LRP1B: variants seen among roughly 807,000 people sequenced by gnomAD.
LRP1B encodes the protein LDL receptor related protein 1B, also known as low-density lipoprotein receptor-related protein 1B.
Under a neutral mutation model 556.6 loss-of-function variants are expected in LRP1B, and 217 were observed. The observed-to-expected ratio is 0.39, with a 90% CI of 0.35 to 0.44. The LOEUF is 0.44. Ranked by LOEUF, LRP1B falls within the 20% of genes least tolerant of loss-of-function variation. The probability of loss-of-function intolerance (pLI) is 1.00; values close to 1 mark genes in which losing one functional copy is unlikely to be tolerated. For synonymous variants in LRP1B, 2,047 were observed against 1,865.8 expected (o/e 1.10, Z -2.50); for missense variants, 5,053 against 5,620.8 (o/e 0.90, Z 3.23).
intron 15 of LRP1B, among the ~76,000 whole-genome samples, chr2:140,998,126 AAT>A (rs1010329753): frequency 3.3e-4 from 50 of 152,120 alleles, no homozygotes; most frequent in African/African-American, 1.2e-3. Context: ...TTGACAGAGG[AAT>A]ATATCTGGGG....
intron 1 of LRP1B, among the ~76,000 whole-genome samples, chr2:142,079,430 T>C (rs193233966): frequency 4.5e-4 from 68 of 152,300 alleles, no homozygotes; most frequent in Middle Eastern, 3.4e-3. Flanking sequence ...AGTGCTCAGG[T>C]TTGGAAATCT....
At chr2:141,709,169 T>G (rs1236739757) in intron 2 of LRP1B, among the ~76,000 whole-genome samples, 1 of 151,786 alleles carries the variant, frequency 6.6e-6, no homozygotes, top group Non-Finnish European at 1.5e-5. Context: ...AGCAATATGG[T>G]GAAACCCCGT....
intron 11 of LRP1B, among the ~76,000 whole-genome samples, chr2:141,023,801 C>T (rs922045585): frequency 3.3e-5 from 5 of 151,954 alleles, no homozygotes; most frequent in African/African-American, 9.7e-5. Context: ...AAAAATTATA[C>T]CCAAAAATGG....
At chr2:141,008,244 CTAGT>C in intron 14 of LRP1B, among the ~76,000 whole-genome samples, 1 of 151,212 alleles carries the variant, frequency 6.6e-6, no homozygotes, top group Non-Finnish European at 1.5e-5. Context: ...AATCCCACAG[CTAGT>C]TACTTTACAT....
At chr2:140,285,985 T>C (rs1683133105) in intron 84 of LRP1B, among the ~76,000 whole-genome samples, 1 of 151,838 alleles carries the variant, frequency 6.6e-6, no homozygotes, top group African/African-American at 2.4e-5. Context: ...TTATACTTCT[T>C]TACTTTTCAT....
intron 84 of LRP1B, among the ~76,000 whole-genome samples, chr2:140,285,962 G>T (rs1232248400): frequency 2.0e-5 from 3 of 151,776 alleles, no homozygotes; most frequent in Non-Finnish European, 4.4e-5. Context: ...TCAGGAAGTG[G>T]TTAGATTCTT....
At chr2:141,797,217 C>T (rs534431204) in intron 2 of LRP1B, among the ~76,000 whole-genome samples, 10 of 137,216 alleles carry the variant, frequency 7.3e-5, no homozygotes, top group African/African-American at 2.2e-4. Context: ...AATTCAAGTG[C>T]TCTGCATCAT....
intron 1 of LRP1B, among the ~76,000 whole-genome samples, chr2:142,094,786 CAAATATTTAGTAAT>C (rs574805165): frequency 2.4e-3 from 360 of 151,518 alleles, no homozygotes; most frequent in African/African-American, 8.0e-3. Context: ...CAAATATATT[CAAATATTTAGTAAT>C]AAATATTTAG....
At chr2:141,992,200 C>T (rs1702365606) in intron 1 of LRP1B, among the ~76,000 whole-genome samples, 1 of 152,210 alleles carries the variant, frequency 6.6e-6, no homozygotes, top group Admixed American at 6.6e-5. Context: ...GTTGATTCCA[C>T]AGGTGTGGAG....
At chr2:142,105,828 CT>C (rs2104978029) in intron 1 of LRP1B, among the ~76,000 whole-genome samples, 1 of 152,064 alleles carries the variant, frequency 6.6e-6, no homozygotes, top group East Asian at 1.9e-4. Context: ...ATAATAATGT[CT>C]AAATTTACAT....
chr2:140,270,206 T>C (rs778369368), intron 86 of LRP1B, 36 bp downstream of exon 86: 73 of 1,439,984 alleles, frequency 5.1e-5, no homozygotes, highest in Non-Finnish European at 7.0e-5. Context: ...TACAAAGGCT[T>C]ATTATAAGAT....
At chr2:140,847,239 C>T (rs1164904478) in intron 29 of LRP1B, among the ~76,000 whole-genome samples, 1 of 152,190 alleles carries the variant, frequency 6.6e-6, no homozygotes, top group African/African-American at 2.4e-5. Flanking sequence ...AACACAGTAG[C>T]TAAAGTGGCC....
Position 140,895,863 on chromosome 2 carries a change from C to A in LRP1B, c.3766+7057G>T, listed in dbSNP as rs1394434828. Among the ~76,000 whole-genome samples, 4 of 152,252 alleles carry A rather than the reference C, an allele frequency of 2.6e-5. No individual in the cohort carries two copies. The East Asian group carries it at 7.7e-4, about 29-fold the overall frequency. On this transcript the variant is annotated intron_variant, in intron 23 of 90. Coordinates refer to ENST00000389484, the MANE Select transcript of LRP1B (RefSeq NM_018557.3). The stretch of plus-strand genomic sequence containing the variant: ...GAAGTCAAGCTGCTTCTCAACAACG[C>A]CAAGCTGTTTTTTTCTCTTCTTCTC...
intron 66 of LRP1B, among the ~76,000 whole-genome samples, chr2:140,419,319 GAAGA>G (rs1192161389): frequency 6.6e-6 from 1 of 152,184 alleles, no homozygotes; most frequent in Admixed American, 6.5e-5. Flanking sequence ...TGGTAGAACT[GAAGA>G]GAGAAATAGA....
intron 2 of LRP1B, among the ~76,000 whole-genome samples, chr2:141,798,291 T>C (rs560705925): frequency 6.6e-6 from 1 of 152,342 alleles, no homozygotes; most frequent in Non-Finnish European, 1.5e-5. Flanking sequence ...TTTATCATAC[T>C]ATTCTTCTGA....
intron 1 of LRP1B, among the ~76,000 whole-genome samples, chr2:141,815,787 C>T (rs1427847845): frequency 2.0e-5 from 3 of 152,172 alleles, no homozygotes; most frequent in African/African-American, 7.2e-5. Flanking sequence ...TAACAATAAA[C>T]CTTGCTACCA....
At chr2:140,853,060 T>C (rs1395811515) in intron 27 of LRP1B, among the ~76,000 whole-genome samples, 1 of 151,994 alleles carries the variant, frequency 6.6e-6, no homozygotes, top group Non-Finnish European at 1.5e-5. Flanking sequence ...ACATGCCCAA[T>C]ATGCCACCTT....
In LRP1B at chr2:142,087,360, C is replaced by T. The variant is rs191659678; in HGVS notation, c.82+43288G>A. Among the ~76,000 whole-genome samples, 203 of 151,978 alleles carry T rather than the reference C, an allele frequency of 1.3e-3. 1 individual carries two copies. The highest frequency in any genetic ancestry group is 4.7e-3 in the African/African-American group (195 of 41,482). ...TATATCAAGGATTTTGCAGGCTTGA[C>T]ATGTCTTACTTTGGCAGTAATTTTC... On this transcript the variant is annotated intron_variant, in intron 1 of 90. Coordinates refer to ENST00000389484, the MANE Select transcript of LRP1B (RefSeq NM_018557.3).
In LRP1B at chr2:140,366,685, A is replaced by G. The variant is rs1457639208; in HGVS notation, c.11009-1902T>C. The stretch of plus-strand genomic sequence containing the variant: ...AGTGTTCTAATGAGAGGGATAGCAC[A>G]TGTAACTAATGCTAAGCAGGTTTAG... On this transcript the variant is annotated intron_variant, in intron 71 of 90. Transcript: ENST00000389484. Among the ~76,000 whole-genome samples the G allele has an allele frequency of 7.2e-5, 11 of 151,770 alleles. No individual in the cohort carries two copies. The Admixed American group carries it at 7.3e-4, about 10-fold the overall frequency.
Sources: gnomAD v4.1 joint callset for allele counts (sites outside exome capture counted in the v4.1 genomes callset) on GRCh38, gnomAD v4.1.1 for gene constraint, MANE v1.5 for transcripts, NCBI Gene and HGNC (gene_info 2026-07-23, HGNC 2026-07-21) for gene names.